Variants in CERKL observed in about 807,000 individuals in gnomAD.
The protein encoded by CERKL is ceramide kinase-like protein.
In CERKL, 61 loss-of-function variants were observed where a neutral mutation model predicts 63.4. The observed-to-expected ratio is 0.96, with a 90% confidence interval of 0.78 to 1.19. The LOEUF is 1.19. Ranked by LOEUF, CERKL falls within the 50% of genes most tolerant of loss-of-function variation. The pLI, the probability that CERKL is intolerant of heterozygous loss-of-function variation, is 0.00. For missense variants in CERKL, 675 were observed against 655.5 expected, an observed-to-expected ratio of 1.03 and a Z score of -0.33; for synonymous variants, 250 against 230.5, an observed-to-expected ratio of 1.08 and a Z score of -0.77.
intron 1 of CERKL, among the ~76,000 whole-genome samples, chr2:181,647,527 C>T (rs1049252959): frequency 2.0e-5 from 3 of 152,056 alleles, no homozygotes; most frequent in Admixed American, 6.5e-5. Flanking sequence ...TTACAGCTGA[C>T]GAAACTACAC....
chr2:181,621,130 A>G (rs755431816), intron 1 of CERKL, among the ~76,000 whole-genome samples: 2 of 152,234 alleles, frequency 1.3e-5, no homozygotes, highest in Non-Finnish European at 2.9e-5. Context: ...GCCATTGAAA[A>G]AAGAGTTAAG....
At chr2:181,606,157 G>A (rs1457885039) in intron 1 of CERKL, among the ~76,000 whole-genome samples, 18 of 147,978 alleles carry the variant, frequency 1.2e-4, no homozygotes, top group East Asian at 6.1e-4. Context: ...GGAGACAGAC[G>A]GAGAGGAGGG....
intron 1 of CERKL, among the ~76,000 whole-genome samples, chr2:181,654,103 T>G (rs1489137966): frequency 1.2e-4 from 19 of 152,036 alleles, no homozygotes; most frequent in Admixed American, 1.2e-3. Flanking sequence ...GTTGAGTTAA[T>G]GTGCTTAAGA....
intron 3 of CERKL, among the ~76,000 whole-genome samples, chr2:181,569,878 C>T (rs1317834665): frequency 6.6e-6 from 1 of 151,996 alleles, no homozygotes; most frequent in African/African-American, 2.4e-5. Context: ...TACAAAGAGG[C>T]GAATGTCAGC....
At chr2:181,588,645 A>G (rs1684862120) in intron 2 of CERKL, among the ~76,000 whole-genome samples, 1 of 152,158 alleles carries the variant, frequency 6.6e-6, no homozygotes, top group Non-Finnish European at 1.5e-5. Context: ...GTTCTACTTT[A>G]AACTGTTTGA....
Position 181,550,947 on chromosome 2 carries a change from A to C in CERKL, c.821-1239T>G, listed in dbSNP as rs1687957113. Reference sequence around the variant, plus strand: ...GGCAAGTTATGCTGTGACCCTTGTTACTCAAAATACGGCCTACTGTCAAAC... The same window carrying C: ...GGCAAGTTATGCTGTGACCCTTGTTCCTCAAAATACGGCCTACTGTCAAAC... On this transcript the variant is annotated intron_variant, in intron 5 of 12. Transcript: ENST00000410087. The surrounding 1 kb of genome is among the most constrained non-coding windows in gnomAD (Gnocchi z 4.5). Among the ~76,000 whole-genome samples, 1 of 152,126 alleles carries C rather than the reference A, an allele frequency of 6.6e-6. No homozygotes were observed. The highest frequency in any genetic ancestry group is 1.5e-5 in the Non-Finnish European group (1 of 68,008).
chr2:181,556,933 AT>A (rs1303146717), intron 5 of CERKL, among the ~76,000 whole-genome samples: 2 of 152,076 alleles, frequency 1.3e-5, no homozygotes, highest in Non-Finnish European at 2.9e-5. Context: ...AATGATCACC[AT>A]TCTACCTGGG....
rs1310577256 is a variant in CERKL, at chr2:181,609,538, A to G, written c.239-5459T>C. ...TGGTGAAACCCTGTCTCTACTAAAA[A>G]AAAAAAAAAAAAAAAAAATTTGCCA... is the stretch of plus-strand genomic sequence containing the variant. On this transcript the variant is annotated intron_variant, in intron 1 of 12. Coordinates refer to ENST00000410087, the MANE Select transcript of CERKL (RefSeq NM_201548.5). 3.9e-3 allele frequency among the ~76,000 whole-genome samples: 555 copies of G among 143,916 alleles called. 10 individuals are homozygous for G. Among genetic ancestry groups the G allele is most frequent in the African/African-American group, 0.014 (528 of 39,068 alleles). 94.4% of individuals were successfully genotyped at this position (143,916 alleles called of 152,430 possible).
At chr2:181,656,203 A>C (rs929887260) in intron 1 of CERKL, among the ~76,000 whole-genome samples, 5 of 152,228 alleles carry the variant, frequency 3.3e-5, no homozygotes, top group Non-Finnish European at 7.3e-5. Flanking sequence ...GAGCCTGAAG[A>C]AGTCTTAATT....
Position 181,573,710 on chromosome 2 carries a change from A to G in CERKL, c.613+43T>C, listed in dbSNP as rs754306413. ...CAAATTCAGATTATTTTGCTTTTGT[A>G]TGTTTTTGTAGATGGTGAAATTATA... On this transcript the variant is annotated intron_variant, in intron 3 of 12. Coordinates refer to ENST00000410087, the MANE Select transcript of CERKL (RefSeq NM_201548.5). The G allele has an allele frequency of 4.4e-6, 7 of 1,577,642 alleles. No homozygotes were observed. The East Asian group carries it at 1.6e-4, about 36-fold the overall frequency.
chr2:181,648,734 A>C (rs1252413565), intron 1 of CERKL, among the ~76,000 whole-genome samples: 2 of 152,240 alleles, frequency 1.3e-5, no homozygotes, highest in Non-Finnish European at 2.9e-5. Flanking sequence ...AACAGCTACA[A>C]TGGCTAGGGA....
chr2:181,556,898 A>G, intron 5 of CERKL, among the ~76,000 whole-genome samples: 1 of 152,206 alleles, frequency 6.6e-6, no homozygotes, highest in Non-Finnish European at 1.5e-5. Context: ...CATCCTCTCC[A>G]GCACCTGTTG....
intron 1 of CERKL, among the ~76,000 whole-genome samples, chr2:181,651,500 G>T (rs1459010721): frequency 1.3e-5 from 2 of 152,072 alleles, no homozygotes; most frequent in African/African-American, 4.8e-5. Flanking sequence ...CAACAAATTA[G>T]GTATGGAAAG....
At chr2:181,630,799 T>C (rs1030849392) in intron 1 of CERKL, among the ~76,000 whole-genome samples, 3 of 152,234 alleles carry the variant, frequency 2.0e-5, no homozygotes, top group Non-Finnish European at 2.9e-5. Flanking sequence ...CCTTGACTTA[T>C]CTTCAGTTTT....
chr2:181,566,062 C>T lies in CERKL; in HGVS notation c.673G>A (p.Asp225Asn), dbSNP rs750050598. The T allele has an allele frequency of 6.2e-7, 1 of 1,601,772 alleles. No homozygotes were observed. Among genetic ancestry groups the T allele is most frequent in the South Asian group, 1.1e-5 (1 of 90,818 alleles). ...LLKECELQGFDGVVCVGGDGS... is the reference protein window; with the variant it reads ...LLKECELQGFNGVVCVGGDGS... ...TTGATTAATAATATAACCTACCCAT[C>T]AAATCCCTGGAGTTCACATTCCTTA... is the stretch of plus-strand genomic sequence containing the variant. The change falls in exon 4 of 13, where the codon GAT (aspartate) becomes AAT (asparagine). Residue 225 changes from aspartate (D) to asparagine (N), a missense_variant. By Grantham distance (23) the Asp-to-Asn change is conservative. Transcript: ENST00000410087.
chr2:181,587,470 AT>A (rs1205025391), intron 2 of CERKL, among the ~76,000 whole-genome samples: 1 of 152,240 alleles, frequency 6.6e-6, no homozygotes, highest in Non-Finnish European at 1.5e-5. Context: ...TATCTTTATC[AT>A]TTTTTATCCT....
chr2:181,588,187 T>C lies in CERKL; in HGVS notation c.482-14303A>G, dbSNP rs544541062. On this transcript the variant is annotated intron_variant, in intron 2 of 12. Transcript: ENST00000410087. ...TAACTATACTCACCATGGTATACAA[T>C]AGACCTCTTGAACTTCTTCCTCCTA... Among the ~76,000 whole-genome samples, 82 of 152,278 alleles carry C rather than the reference T, an allele frequency of 5.4e-4. 1 individual carries two copies. In the Middle Eastern group the frequency reaches 0.01, roughly 19 times the overall value.
rs765497138 is a variant in CERKL at position 181,656,995 on chromosome 2, C to A, written c.12G>T (p.Arg4Ser). The change falls in exon 1 of 13, where the codon AGG becomes AGT. Residue 4 changes from arginine to serine, a missense_variant. Coordinates refer to ENST00000410087, the MANE Select transcript of CERKL (RefSeq NM_201548.5). MPW[R>S]RRRNRVSALE... ...GGGCACTCACCCGGTTCCTGCGCCTCCTCCAGGGCATGGCGGAGTCGCAGG... is the reference window on the plus strand; with the variant it reads ...GGGCACTCACCCGGTTCCTGCGCCTACTCCAGGGCATGGCGGAGTCGCAGG... The A allele has an allele frequency of 6.3e-7, 1 of 1,582,720 alleles. No individual in the cohort carries two copies. The highest frequency in any genetic ancestry group is 1.7e-5 in the Admixed American group (1 of 57,942).
chr2:181,591,208 T>C (rs1226275417), intron 2 of CERKL, among the ~76,000 whole-genome samples: 1 of 152,080 alleles, frequency 6.6e-6, no homozygotes, highest in East Asian at 1.9e-4. Flanking sequence ...AAAACATACA[T>C]ATATGAGGTA....
Sources: allele counts gnomAD v4.1 joint callset (sites outside exome capture counted in the v4.1 genomes callset), GRCh38; gene constraint gnomAD v4.1.1; non-coding constraint Gnocchi (gnomAD v3.1); transcripts MANE v1.5; gene names NCBI Gene and HGNC (gene_info 2026-07-23, HGNC 2026-07-21).